Variants in BANK1 observed in about 807,000 individuals in gnomAD.
BANK1 encodes B-cell scaffold protein with ankyrin repeats.
Under a neutral mutation model 94.5 loss-of-function variants are expected in BANK1, and 95 were observed. That is an observed-to-expected ratio of 1.00 (90% CI 0.85 to 1.19). BANK1 has a LOEUF of 1.19. Among genes scored for constraint, BANK1 ranks in the 50% most tolerant of loss-of-function variants. The pLI, the probability that BANK1 is intolerant of heterozygous loss-of-function variation, is 0.00. For synonymous variants in BANK1, 334 were observed against 308.4 expected, an observed-to-expected ratio of 1.08 and a Z score of -0.87; for missense variants, 987 against 932.2, an observed-to-expected ratio of 1.06 and a Z score of -0.77.
chr4:101,923,634 T>C (rs530375676), intron 7 of BANK1, among the ~76,000 whole-genome samples: 2 of 151,946 alleles, frequency 1.3e-5, no homozygotes, highest in East Asian at 3.9e-4. Context: ...TGAAATCATG[T>C]GGAATTTGTG....
chr4:101,971,259 A>G (rs1249742268), intron 7 of BANK1, among the ~76,000 whole-genome samples: 4 of 152,128 alleles, frequency 2.6e-5, no homozygotes, highest in African/African-American at 9.6e-5. Context: ...TGTGGCTTTT[A>G]ATCAAGTGTG....
At chr4:101,841,999 A>G (rs887831232) in intron 2 of BANK1, among the ~76,000 whole-genome samples, 9 of 152,126 alleles carry the variant, frequency 5.9e-5, no homozygotes, top group Admixed American at 2.6e-4. Flanking sequence ...AATAACATAA[A>G]TGAATATGAA....
chr4:102,005,831 A>G (rs988336033), intron 7 of BANK1, among the ~76,000 whole-genome samples: 2 of 152,042 alleles, frequency 1.3e-5, no homozygotes, highest in African/African-American at 4.8e-5. Context: ...TGTTTGCACA[A>G]TGTCACAGAA....
At chr4:101,806,273 G>A (rs1725548896) in intron 1 of BANK1, among the ~76,000 whole-genome samples, 1 of 151,780 alleles carries the variant, frequency 6.6e-6, no homozygotes, top group South Asian at 2.1e-4. Context: ...CATTTTCATG[G>A]CTATTTGGTG....
chr4:101,936,766 C>T (rs1723578600), intron 7 of BANK1, among the ~76,000 whole-genome samples: 1 of 151,444 alleles, frequency 6.6e-6, no homozygotes, highest in African/African-American at 2.4e-5. Flanking sequence ...GATGTTATCT[C>T]ACCCCAGTTA....
chr4:102,002,681 C>T (rs1195793876), intron 7 of BANK1, among the ~76,000 whole-genome samples: 1 of 152,138 alleles, frequency 6.6e-6, no homozygotes, highest in Non-Finnish European at 1.5e-5. Context: ...CTTCAATCCA[C>T]AGCTTTCGGC....
At chr4:101,794,721 A>G (rs1480762610) in intron 1 of BANK1, among the ~76,000 whole-genome samples, 1 of 152,132 alleles carries the variant, frequency 6.6e-6, no homozygotes, top group Non-Finnish European at 1.5e-5. Flanking sequence ...AAAAACAATG[A>G]GCCTTTTAGG....
intron 6 of BANK1, among the ~76,000 whole-genome samples, chr4:101,907,994 A>G (rs1722518068): frequency 6.6e-6 from 1 of 152,218 alleles, no homozygotes; most frequent in African/African-American, 2.4e-5. Context: ...GGTAATTTAT[A>G]GATTCAATGC....
intron 7 of BANK1, among the ~76,000 whole-genome samples, chr4:101,975,213 A>G (rs1002667572): frequency 1.3e-5 from 2 of 152,208 alleles, no homozygotes; most frequent in African/African-American, 4.8e-5. Flanking sequence ...TAAATAAATC[A>G]TATAAGCAGA....
rs924882808 is a variant in BANK1, at chr4:101,921,934, C to T, written c.1206+3745C>T. The stretch of plus-strand genomic sequence containing the variant: ...GGAATCTTTCTATTGCTCATGTGTG[C>T]GATGGGATTCCTGTGGCATCAGGCT... On this transcript the variant is annotated intron_variant, in intron 7 of 16. Transcript: ENST00000322953. Among the ~76,000 whole-genome samples the T allele has an allele frequency of 1.1e-4, 17 of 151,348 alleles. No individual in the cohort carries two copies. In the South Asian group the frequency reaches 1.5e-3, roughly 13 times the overall value.
chr4:102,021,727 T>A (rs1373708297), intron 8 of BANK1, 135 bp downstream of exon 8: 1 of 377,622 alleles, frequency 2.6e-6, no homozygotes, highest in Non-Finnish European at 4.9e-6. Context: ...CTGATTGGCT[T>A]TTAATTTGTA....
At position 102,074,753 on chromosome 4, in the gene BANK1, A is replaced by T. The variant is rs966970075; in HGVS notation, c.*754A>T. On this transcript the variant is annotated 3_prime_UTR_variant, in exon 17 of 17. Coordinates refer to ENST00000322953, the MANE Select transcript of BANK1 (RefSeq NM_017935.5). ...TGTTTAAAGCTATGTCTGAGTTTTT[A>T]AAGTAAATTTATAAGAATTAGCCAA... 6.6e-6 allele frequency: 1 copy of T among 150,764 alleles called. No individual in the cohort carries two copies. Among genetic ancestry groups the T allele is most frequent in the African/African-American group, 2.4e-5 (1 of 41,360 alleles). 9.3% of individuals were successfully genotyped at this position (150,764 alleles called of 1,614,324 possible).
intron 1 of BANK1, among the ~76,000 whole-genome samples, chr4:101,819,937 AAGG>A (rs1215447809): frequency 6.6e-6 from 1 of 152,166 alleles, no homozygotes; most frequent in Non-Finnish European, 1.5e-5. Context: ...GGAGAAGGAT[AAGG>A]AGGAGAAGAA....
At chr4:101,972,992 G>A (rs576497559) in intron 7 of BANK1, among the ~76,000 whole-genome samples, 1 of 152,110 alleles carries the variant, frequency 6.6e-6, no homozygotes, top group South Asian at 2.1e-4. Flanking sequence ...TTGGGGAAAA[G>A]GGCAGCTGAT....
At chr4:101,808,096 A>AAAAT (rs35828857) in intron 1 of BANK1, among the ~76,000 whole-genome samples, 2 of 149,652 alleles carry the variant, frequency 1.3e-5, no homozygotes, top group African/African-American at 4.9e-5. Context: ...AAAAAAAAAA[A>AAAAT]GAAATGAAAT....
intron 7 of BANK1, among the ~76,000 whole-genome samples, chr4:101,964,277 G>T (rs1724671387): frequency 6.6e-6 from 1 of 152,036 alleles, no homozygotes; most frequent in South Asian, 2.1e-4. Context: ...AACAGAACAT[G>T]GGGGAATTGG....
intron 7 of BANK1, among the ~76,000 whole-genome samples, chr4:102,011,187 G>A (rs186550596): frequency 2.0e-5 from 3 of 152,352 alleles, no homozygotes; most frequent in Admixed American, 1.3e-4. Context: ...CCAAAGGTAT[G>A]TAAAGCTAAA....
chr4:101,862,558 T>G lies in BANK1; in HGVS notation c.657T>G (p.Asp219Glu). The change falls in exon 4 of 17, where the codon GAT (aspartate) becomes GAG (glutamate). Residue 219 changes from aspartate to glutamate, a missense_variant. Transcript: ENST00000322953. ...GTGAAATATTCATAATTTTGAGAGA[T>G]GAAGTAATTGGTGATACTGTAGAGG... ...NPGEIFIILR[D>E]EVIGDTVEVE... 1.2e-6 allele frequency: 2 copies of G among 1,608,398 alleles called. No homozygotes were observed. Among genetic ancestry groups the G allele is most frequent in the Non-Finnish European group, 1.7e-6 (2 of 1,177,400 alleles).
At chr4:102,028,214 C>T (rs934647406) in intron 9 of BANK1, among the ~76,000 whole-genome samples, 7 of 152,232 alleles carry the variant, frequency 4.6e-5, no homozygotes, top group African/African-American at 1.4e-4. Context: ...TGACACATTC[C>T]GCTAAAAATG....
Sources: allele counts gnomAD v4.1 joint callset (sites outside exome capture counted in the v4.1 genomes callset), GRCh38; gene constraint gnomAD v4.1.1; transcripts MANE v1.5; gene names NCBI Gene and HGNC (gene_info 2026-07-23, HGNC 2026-07-21).